Variants in SYNPR observed in about 807,000 individuals in gnomAD.
SYNPR encodes the protein synaptoporin.
In SYNPR, 23 loss-of-function variants were observed where a neutral mutation model predicts 32.9. The observed-to-expected ratio is 0.70, with a 90% CI of 0.50 to 0.99. The LOEUF (loss-of-function observed/expected upper bound fraction) is 0.99, where lower values mean the gene tolerates loss of function less well. Ranked by LOEUF, SYNPR falls within the 50% of genes least tolerant of loss-of-function variation. The probability of loss-of-function intolerance (pLI) is 0.00; values close to 1 mark genes in which losing one functional copy is unlikely to be tolerated. For synonymous variants in SYNPR, 146 were observed against 135.9 expected, an observed-to-expected ratio of 1.07 and a Z score of -0.52; for missense variants, 318 against 349.3, an observed-to-expected ratio of 0.91 and a Z score of 0.71.
intron 4 of SYNPR, among the ~76,000 whole-genome samples, chr3:63,567,336 C>A (rs1028943259): frequency 6.6e-6 from 1 of 152,176 alleles, no homozygotes; most frequent in East Asian, 1.9e-4. Context: ...GTAAAGAACA[C>A]AATAGCGTAA....
intron 2 of SYNPR, among the ~76,000 whole-genome samples, chr3:63,330,488 G>T: frequency 6.6e-6 from 1 of 151,822 alleles, no homozygotes; most frequent in East Asian, 1.9e-4. Flanking sequence ...ACCTCATGCA[G>T]CCACGGGTTC....
At chr3:63,200,696 T>A in the SYNPR span, among the ~76,000 whole-genome samples, 18 of 152,032 alleles carry the variant, frequency 1.2e-4, no homozygotes. Context: ...TTTCTCTTTT[T>A]AATTTCTCAA....
intron 2 of SYNPR, among the ~76,000 whole-genome samples, chr3:63,325,650 T>TCCCA (rs2087158119): frequency 6.6e-6 from 1 of 152,066 alleles, no homozygotes; most frequent in Admixed American, 6.6e-5. Flanking sequence ...ACACTCCAAA[T>TCCCA]GGAGACTGAG....
chr3:63,282,764 T>G (rs2086642209), intron 2 of SYNPR, among the ~76,000 whole-genome samples: 1 of 152,132 alleles, frequency 6.6e-6, no homozygotes, highest in East Asian at 1.9e-4. Flanking sequence ...TTGATAAAAT[T>G]GTTAAGTGAG....
chr3:63,423,794 A>AT (rs1699843053), intron 2 of SYNPR: 3 of 152,254 alleles, frequency 2.0e-5, no homozygotes, highest in Admixed American at 2.0e-4. Context: ...TTCTGTTACC[A>AT]GCAGAATAGG....
chr3:63,298,930 G>A (rs1433521696), intron 2 of SYNPR, among the ~76,000 whole-genome samples: 2 of 152,166 alleles, frequency 1.3e-5, no homozygotes, highest in Admixed American at 1.3e-4. Flanking sequence ...GTAATTTTCA[G>A]TTGGCATATT....
At chr3:63,211,057 G>A in the SYNPR span, among the ~76,000 whole-genome samples, 1 of 152,044 alleles carries the variant, frequency 6.6e-6, no homozygotes, top group Admixed American at 6.6e-5. Flanking sequence ...AGGCTGTTGG[G>A]AAAGGTACCA....
At chr3:63,306,794 C>T (rs1207449990) in intron 2 of SYNPR, among the ~76,000 whole-genome samples, 3 of 151,976 alleles carry the variant, frequency 2.0e-5, no homozygotes, top group Non-Finnish European at 2.9e-5. Context: ...ATCAGTTTGA[C>T]ATCAACCTGG....
At chr3:63,359,419 T>A (rs139777519) in intron 2 of SYNPR, among the ~76,000 whole-genome samples, 1 of 152,306 alleles carries the variant, frequency 6.6e-6, no homozygotes, top group African/African-American at 2.4e-5. Flanking sequence ...TGTTTGCACA[T>A]TGCAACAAAG....
intron 2 of SYNPR, among the ~76,000 whole-genome samples, chr3:63,312,685 C>T (rs1436105917): frequency 1.3e-5 from 2 of 151,984 alleles, no homozygotes; most frequent in Admixed American, 6.6e-5. Flanking sequence ...TTATGATGAC[C>T]TGTCCATTGT....
At chr3:63,436,929 T>C (rs1016001458) in intron 2 of SYNPR, among the ~76,000 whole-genome samples, 2 of 152,178 alleles carry the variant, frequency 1.3e-5, no homozygotes, top group Non-Finnish European at 2.9e-5. Flanking sequence ...CGGGCTGAAG[T>C]GCAGTGGCAC....
intron 2 of SYNPR, among the ~76,000 whole-genome samples, chr3:63,320,547 C>T (rs567524050): frequency 6.6e-6 from 1 of 152,080 alleles, no homozygotes; most frequent in South Asian, 2.1e-4. Flanking sequence ...TGCAACTAGA[C>T]CAGGAAGGCA....
At chr3:63,445,639 C>T in intron 2 of SYNPR, 1 of 637,306 alleles carries the variant, frequency 1.6e-6, no homozygotes, top group Non-Finnish European at 2.8e-6. Context: ...CCCCTTTAAT[C>T]TTGACAAGCA....
chr3:63,247,845 C>T (rs989919076), intron 1 of SYNPR, among the ~76,000 whole-genome samples: 13 of 152,154 alleles, frequency 8.5e-5, no homozygotes, highest in African/African-American at 3.1e-4. Flanking sequence ...GAAGGAGCAG[C>T]TGCAGAGAAA....
At chr3:63,313,120 C>G (rs1200985303) in intron 2 of SYNPR, among the ~76,000 whole-genome samples, 1 of 151,940 alleles carries the variant, frequency 6.6e-6, no homozygotes, top group East Asian at 1.9e-4. Flanking sequence ...TCACAGAGTC[C>G]CAGATACTGA....
At chr3:63,250,522 G>C (rs573425230) in intron 1 of SYNPR, among the ~76,000 whole-genome samples, 3 of 152,170 alleles carry the variant, frequency 2.0e-5, no homozygotes, top group African/African-American at 7.2e-5. Context: ...GCTCTTACGA[G>C]TCCCAGTTTT....
chr3:63,398,706 G>A (rs997575557), intron 2 of SYNPR, among the ~76,000 whole-genome samples: 6 of 147,292 alleles, frequency 4.1e-5, no homozygotes, highest in Admixed American at 2.0e-4. Context: ...AAGACAGAGC[G>A]AGACTCCGTC....
intron 2 of SYNPR, among the ~76,000 whole-genome samples, chr3:63,263,598 A>T (rs1393122107): frequency 6.6e-6 from 1 of 152,156 alleles, no homozygotes; most frequent in Non-Finnish European, 1.5e-5. Flanking sequence ...TTTACCAAGG[A>T]TAGAGGATCC....
intron 4 of SYNPR, among the ~76,000 whole-genome samples, chr3:63,579,692 T>C (rs568786815): frequency 6.6e-6 from 1 of 152,202 alleles, no homozygotes; most frequent in African/African-American, 2.4e-5. Flanking sequence ...TGTTTTTATA[T>C]GGTCCTGGAT....
Sources: allele counts gnomAD v4.1 joint callset (sites outside exome capture counted in the v4.1 genomes callset), GRCh38; gene constraint gnomAD v4.1.1; transcripts MANE v1.5; gene names NCBI Gene and HGNC (gene_info 2026-07-23, HGNC 2026-07-21).